MAMDC2: variants seen among roughly 807,000 people sequenced by gnomAD.
MAMDC2 encodes MAM domain containing 2, also known as MAM domain-containing protein 2.
Under a neutral mutation model 89.8 loss-of-function variants are expected in MAMDC2, and 57 were observed. The ratio of observed to expected loss-of-function variants is 0.63; its 90% CI spans 0.51 to 0.79. The LOEUF (loss-of-function observed/expected upper bound fraction) is 0.79. MAMDC2 is among the 30% of genes least tolerant of loss of function. The pLI is 0.00. For missense variants in MAMDC2, 800 were observed against 820.6 expected, an observed-to-expected ratio of 0.97 and a Z score of 0.31; for synonymous variants, 313 against 293.4, an observed-to-expected ratio of 1.07 and a Z score of -0.68.
intron 11 of MAMDC2, among the ~76,000 whole-genome samples, chr9:70,216,748 T>C (rs1049960183): frequency 1.3e-5 from 2 of 152,226 alleles, no homozygotes; most frequent in East Asian, 3.8e-4. Context: ...GGGCCTTTTT[T>C]AAAATGGGCC....
chr9:70,044,479 G>C, intron 1 of MAMDC2, 105 bp from the exon 2 acceptor site: 2 of 959,218 alleles, frequency 2.1e-6, no homozygotes, highest in Non-Finnish European at 3.2e-6. Flanking sequence ...GCCCCCTCCC[G>C]CTCGTCTTTC....
Position 70,218,522 on chromosome 9 carries a change from T to C in MAMDC2, c.1837T>C (p.Trp613Arg), listed in dbSNP as rs745621912. ...AGAAGACAGTGAAGAGTCCCTCTTA[T>C]GGAGGAGAAGAGGTGAACAGAGCAT... ...KEEDSEESLL[W>R]RRRGEQSISW... Residue 613 changes from tryptophan (W) to arginine (R), a missense_variant, in exon 12 of 14, where the codon TGG becomes CGG. Transcript: ENST00000377182. 7.4e-6 allele frequency: 12 copies of C among 1,614,188 alleles called. No individual in the cohort carries two copies. In the East Asian group the frequency reaches 2.2e-4, roughly 30 times the overall value.
intron 11 of MAMDC2, among the ~76,000 whole-genome samples, chr9:70,214,222 GGGAAGAGGGACT>G (rs1478677147): frequency 5.3e-5 from 8 of 152,326 alleles, no homozygotes; most frequent in African/African-American, 1.9e-4. Flanking sequence ...AGGAGTGCCA[GGGAAGAGGGACT>G]GCAATTTGGA....
rs184612877 is a variant in MAMDC2 at position 70,070,509 on chromosome 9, T to C, written c.148+25812T>C. On this transcript the variant is annotated intron_variant, in intron 2 of 13. Coordinates refer to ENST00000377182, the MANE Select transcript of MAMDC2 (RefSeq NM_153267.5). ...CTCACTGCAATGTAGTATAAATATCTGTAGGTGTTGAGCAACATCCAGAGA... is the reference window on the plus strand; with the variant it reads ...CTCACTGCAATGTAGTATAAATATCCGTAGGTGTTGAGCAACATCCAGAGA... 6.4e-3 allele frequency among the ~76,000 whole-genome samples: 981 copies of C among 152,320 alleles called. 6 individuals carry two copies. The highest frequency in any genetic ancestry group is 0.023 in the African/African-American group (938 of 41,582).
At chr9:70,179,332 G>A (rs909921184) in intron 11 of MAMDC2, among the ~76,000 whole-genome samples, 1 of 138,090 alleles carries the variant, frequency 7.2e-6, no homozygotes, top group African/African-American at 2.7e-5. Flanking sequence ...CTAACACGGT[G>A]AAACCTCGTC....
At chr9:70,175,960 C>A (rs1430872274) in intron 11 of MAMDC2, 1 of 152,160 alleles carries the variant, frequency 6.6e-6, no homozygotes. Flanking sequence ...GACTTAATTA[C>A]CTCCTAAAAG....
At chr9:70,083,834 A>G (rs559822059) in intron 2 of MAMDC2, 27 of 152,186 alleles carry the variant, frequency 1.8e-4, no homozygotes, top group African/African-American at 6.5e-4. Context: ...TGCTATTATC[A>G]AGGAGATTCT....
chr9:70,083,665 A>C (rs1299409450), intron 2 of MAMDC2: 1 of 150,724 alleles, frequency 6.6e-6, no homozygotes, highest in Non-Finnish European at 1.5e-5. Flanking sequence ...TCCTCTTTGC[A>C]TGCTTACGCA....
intron 2 of MAMDC2, among the ~76,000 whole-genome samples, chr9:70,061,267 T>C (rs750106294): frequency 1.3e-5 from 2 of 152,168 alleles, no homozygotes; most frequent in Non-Finnish European, 2.9e-5. Context: ...CCCTTCTAGT[T>C]CACAAATGAG....
chr9:70,174,523 C>CCT (rs2118549250), intron 11 of MAMDC2, among the ~76,000 whole-genome samples: 1 of 152,208 alleles, frequency 6.6e-6, no homozygotes, highest in South Asian at 2.1e-4. Flanking sequence ...AAGAGCATAT[C>CCT]TGGAAAGCAA....
chr9:70,200,061 TC>T (rs1190239444), intron 11 of MAMDC2, among the ~76,000 whole-genome samples: 1 of 150,568 alleles, frequency 6.6e-6, no homozygotes, highest in African/African-American at 2.4e-5. Context: ...TTTAATTAGA[TC>T]CCATTTGTCA....
intron 11 of MAMDC2, among the ~76,000 whole-genome samples, chr9:70,179,828 A>C (rs2118570837): frequency 6.6e-6 from 1 of 150,750 alleles, no homozygotes; most frequent in African/African-American, 2.4e-5. Context: ...TCGCTACAAA[A>C]CACCTGAAAA....
intron 8 of MAMDC2, among the ~76,000 whole-genome samples, chr9:70,142,206 G>A (rs2031247602): frequency 1.3e-5 from 2 of 152,148 alleles, no homozygotes; most frequent in African/African-American, 4.8e-5. Flanking sequence ...CCATTAGCTG[G>A]GAGAGTGGGA....
At chr9:70,223,295 C>T (rs1489052225) in intron 12 of MAMDC2, among the ~76,000 whole-genome samples, 4 of 151,718 alleles carry the variant, frequency 2.6e-5, no homozygotes, top group Admixed American at 2.6e-4. Context: ...TATGTTCTAA[C>T]AACTTAGTAG....
rs147949918 is a variant in MAMDC2, at chr9:70,088,165, G to A, written c.149-20046G>A. Among the ~76,000 whole-genome samples, 675 of 152,146 alleles carry A rather than the reference G, an allele frequency of 4.4e-3. 6 individuals carry two copies. The highest frequency in any genetic ancestry group is 0.015 in the African/African-American group (626 of 41,528). The stretch of plus-strand genomic sequence containing the variant: ...TTGGTTCCATTCCATTTACCCCTGG[G>A]CTCCTACAGTTAAACCAAGAAAGGC... On this transcript the variant is annotated intron_variant, in intron 2 of 13. Transcript: ENST00000377182.
At chr9:70,202,264 C>T (rs921350314) in intron 11 of MAMDC2, among the ~76,000 whole-genome samples, 24 of 150,822 alleles carry the variant, frequency 1.6e-4, no homozygotes, top group Non-Finnish European at 2.5e-4. Context: ...TCTTTGTTCT[C>T]GTTGGTTTCA....
At chr9:70,179,819 C>CTT (rs3071622) in intron 11 of MAMDC2, among the ~76,000 whole-genome samples, 1 of 145,138 alleles carries the variant, frequency 6.9e-6, no homozygotes, top group African/African-American at 2.5e-5. Flanking sequence ...ACTGTGCACT[C>CTT]GCTACAAAAC....
At chr9:70,098,136 T>C (rs1224888224) in intron 2 of MAMDC2, among the ~76,000 whole-genome samples, 1 of 152,198 alleles carries the variant, frequency 6.6e-6, no homozygotes, top group Non-Finnish European at 1.5e-5. Flanking sequence ...TGCAAGTTAG[T>C]AAATACTTAT....
chr9:70,149,512 A>T (rs566916276), intron 9 of MAMDC2, among the ~76,000 whole-genome samples: 2 of 152,230 alleles, frequency 1.3e-5, no homozygotes, highest in Admixed American at 1.3e-4. Flanking sequence ...ATAGTCCCAT[A>T]TTGATTGGTC....
Sources: gnomAD v4.1 joint callset for allele counts (sites outside exome capture counted in the v4.1 genomes callset) on GRCh38, gnomAD v4.1.1 for gene constraint, MANE v1.5 for transcripts, NCBI Gene and HGNC (gene_info 2026-07-23, HGNC 2026-07-21) for gene names.